The following HSPA12B variants were observed in gnomAD, a reference collection of about 807,000 sequenced individuals.
The protein encoded by HSPA12B is heat shock protein family A (Hsp70) member 12B.
In HSPA12B, 54 loss-of-function variants were observed where a neutral mutation model predicts 69.3. That is an observed-to-expected ratio of 0.78 (90% confidence interval 0.63 to 0.98). The LOEUF (loss-of-function observed/expected upper bound fraction) is 0.98. Ranked by LOEUF, HSPA12B falls within the 50% of genes least tolerant of loss-of-function variation. The probability of loss-of-function intolerance (pLI) is 0.00; values close to 1 mark genes in which losing one functional copy is unlikely to be tolerated. For synonymous variants in HSPA12B, 441 were observed against 436.5 expected, an observed-to-expected ratio of 1.01 and a Z score of -0.13; for missense variants, 929 against 999.8, an observed-to-expected ratio of 0.93 and a Z score of 0.96.
In HSPA12B at chr20:3,748,249, G is replaced by C. The variant is rs376594636; in HGVS notation, c.708G>C (p.Gln236His). ...TAGTGTCCCGAGAGAATGCAGAGCAGCTACTCATCGCCCTGGAGCCCGAGG... is the reference window on the plus strand; with the variant it reads ...TAGTGTCCCGAGAGAATGCAGAGCACCTACTCATCGCCCTGGAGCCCGAGG... ...AGLVSRENAE[Q>H]LLIALEPEAA... The change falls in exon 8 of 13, where the codon CAG becomes CAC. Residue 236 changes from glutamine to histidine, a missense_variant. By Grantham distance (24) the Gln-to-His change is conservative. Coordinates refer to ENST00000254963, the MANE Select transcript of HSPA12B (RefSeq NM_052970.5). 5.0e-6 allele frequency: 8 copies of C among 1,596,492 alleles called. No homozygotes were observed. Among genetic ancestry groups the C allele is most frequent in the Non-Finnish European group, 6.0e-6 (7 of 1,170,294 alleles).
Position 3,745,689 on chromosome 20 carries a change from G to C in HSPA12B, c.558+92G>C, listed in dbSNP as rs764076917. The C allele has an allele frequency of 1.1e-5, 13 of 1,194,356 alleles. No homozygotes were observed. The Admixed American group carries it at 1.4e-4, about 13-fold the overall frequency. 74.0% of individuals were successfully genotyped at this position (1,194,356 alleles called of 1,614,324 possible). A position where few individuals can be genotyped will look rare whatever the true frequency, so the allele number is the denominator to read the frequency against. On this transcript the variant is annotated intron_variant, in intron 6 of 12. Coordinates refer to ENST00000254963, the MANE Select transcript of HSPA12B (RefSeq NM_052970.5). The surrounding 1 kb of genome is among the most constrained non-coding windows in gnomAD (Gnocchi z 5.6). ...CTCCCCCATCCCGTCCCCGACATTGGATGGGTAGCCACCGCCGGAGCTCAG... is the reference window on the plus strand; with the variant it reads ...CTCCCCCATCCCGTCCCCGACATTGCATGGGTAGCCACCGCCGGAGCTCAG...
Position 3,752,346 on chromosome 20 carries a change from G to A in HSPA12B, c.*180G>A. ...TGGGTGGGGACACACCCAGAGACTG[G>A]CTTTGGGATTGGGCACTGGTCCGCT... On this transcript the variant is annotated 3_prime_UTR_variant, in exon 13 of 13. Coordinates refer to ENST00000254963, the MANE Select transcript of HSPA12B (RefSeq NM_052970.5). 1.7e-6 allele frequency: 1 copy of A among 578,382 alleles called. No homozygotes were observed. The highest frequency in any genetic ancestry group is 2.8e-6 in the Non-Finnish European group (1 of 363,120). 35.8% of individuals were successfully genotyped at this position (578,382 alleles called of 1,614,324 possible).
chr20:3,741,592 C>A (rs2146565615), intron 3 of HSPA12B, among the ~76,000 whole-genome samples: 1 of 152,272 alleles, frequency 6.6e-6, no homozygotes, highest in African/African-American at 2.4e-5. Flanking sequence ...AAGATCGCAC[C>A]ACTGCATTTC....
At chr20:3,733,769 C>T (rs2088066761) in intron 1 of HSPA12B, among the ~76,000 whole-genome samples, 1 of 152,190 alleles carries the variant, frequency 6.6e-6, no homozygotes, top group Non-Finnish European at 1.5e-5. Flanking sequence ...TCACTTAGCC[C>T]GCTGACGGAG....
chr20:3,736,228 C>T (rs1341856068), intron 1 of HSPA12B, among the ~76,000 whole-genome samples: 1 of 152,206 alleles, frequency 6.6e-6, no homozygotes, highest in Non-Finnish European at 1.5e-5. Flanking sequence ...TAAGAACCCT[C>T]CCCTCCCCCT....
rs377341898 is a variant in HSPA12B, at chr20:3,749,739, C to T, written c.938-11C>T. The T allele has an allele frequency of 5.1e-6, 8 of 1,567,276 alleles. No homozygotes were observed. In the Admixed American group the frequency reaches 5.5e-5, roughly 11 times the overall value. The stretch of plus-strand genomic sequence containing the variant: ...CCGCCCACGAGTGTGTGCCCGCGCT[C>T]GCCGCCGCAGGAGACCGCTACGTGG... On this transcript the variant is annotated splice_polypyrimidine_tract_variant and intron_variant, in intron 9 of 12. Coordinates refer to ENST00000254963, the MANE Select transcript of HSPA12B (RefSeq NM_052970.5). This position sits in a 1 kb window ranked among gnomAD's most constrained non-coding sequence, Gnocchi z 5.5.
Position 3,735,423 on chromosome 20 carries a change from T to C in HSPA12B, c.-18+2629T>C, listed in dbSNP as rs950976004. Reference sequence around the variant, plus strand: ...GATAGCTGGGAAGAGTATAGGCCCATGGTTTGGATGTGGAATCCAGTGTAG... The same window carrying C: ...GATAGCTGGGAAGAGTATAGGCCCACGGTTTGGATGTGGAATCCAGTGTAG... On this transcript the variant is annotated intron_variant, in intron 1 of 12. Coordinates refer to ENST00000254963, the MANE Select transcript of HSPA12B (RefSeq NM_052970.5). Among the ~76,000 whole-genome samples, 4 of 151,388 alleles carry C rather than the reference T, an allele frequency of 2.6e-5. 1 individual carries two copies. Among genetic ancestry groups the C allele is most frequent in the African/African-American group, 9.7e-5 (4 of 41,088 alleles).
intron 1 of HSPA12B, among the ~76,000 whole-genome samples, chr20:3,733,771 C>G (rs1018018461): frequency 2.6e-5 from 4 of 152,226 alleles, no homozygotes; most frequent in African/African-American, 9.6e-5. Context: ...ACTTAGCCCG[C>G]TGACGGAGTC....
intron 4 of HSPA12B, among the ~76,000 whole-genome samples, chr20:3,743,443 A>G (rs547934791): frequency 6.6e-6 from 1 of 151,870 alleles, no homozygotes; most frequent in South Asian, 2.1e-4. Context: ...TGATTATCCC[A>G]CTTTAGCATC....
rs1010396383 is a variant in HSPA12B at position 3,737,089 on chromosome 20, T to G, written c.-17-1569T>G. On this transcript the variant is annotated intron_variant, in intron 1 of 12. Coordinates refer to ENST00000254963, the MANE Select transcript of HSPA12B (RefSeq NM_052970.5). This position sits in a 1 kb window ranked among gnomAD's most constrained non-coding sequence, Gnocchi z 4.1. ...ATAAATAAATAAATAAATAAATAAATAAATAAATAAATAAATATGAAATAC... is the reference window on the plus strand; with the variant it reads ...ATAAATAAATAAATAAATAAATAAAGAAATAAATAAATAAATATGAAATAC... Among the ~76,000 whole-genome samples, 2 of 123,354 alleles carry G rather than the reference T, an allele frequency of 1.6e-5. No individual in the cohort carries two copies. Among genetic ancestry groups the G allele is most frequent in the African/African-American group, 5.9e-5 (2 of 33,700 alleles). The allele number at this position is 123,354 out of a possible 152,430, so 80.9% of individuals were successfully genotyped here.
At position 3,744,784 on chromosome 20, in the gene HSPA12B, A is replaced by G. The variant is rs144878057; in HGVS notation, c.267-118A>G. 3.3e-4 allele frequency: 291 copies of G among 890,392 alleles called. 1 individual carries two copies. In the African/African-American group the frequency reaches 4.4e-3, roughly 13 times the overall value. The allele number at this position is 890,392 out of a possible 1,614,324, so 55.2% of individuals were successfully genotyped here. On this transcript the variant is annotated intron_variant, in intron 4 of 12. Transcript: ENST00000254963. The surrounding 1 kb of genome is among the most constrained non-coding windows in gnomAD (Gnocchi z 4.9). Reference sequence around the variant, plus strand: ...TTTTCTCCTGCTGCCTATGGAGCCGACCCATAGCTAGTTCTCCCTGCTCTT... The same window carrying G: ...TTTTCTCCTGCTGCCTATGGAGCCGGCCCATAGCTAGTTCTCCCTGCTCTT...
rs374709978 is a variant in HSPA12B, at chr20:3,744,881, G to A, written c.267-21G>A. ...CCACCCAAGAAGGGAGGGTTGCACTGACTGCCCTGTGCCTCCGCAGGAAAT... is the reference window on the plus strand; with the variant it reads ...CCACCCAAGAAGGGAGGGTTGCACTAACTGCCCTGTGCCTCCGCAGGAAAT... On this transcript the variant is annotated intron_variant, in intron 4 of 12. Transcript: ENST00000254963. This position sits in a 1 kb window ranked among gnomAD's most constrained non-coding sequence, Gnocchi z 4.9. 1.9e-6 allele frequency: 3 copies of A among 1,608,752 alleles called. No homozygotes were observed. Among genetic ancestry groups the A allele is most frequent in the Non-Finnish European group, 2.5e-6 (3 of 1,179,014 alleles).
intron 3 of HSPA12B, among the ~76,000 whole-genome samples, chr20:3,742,077 T>A (rs112760340): frequency 1.7e-4 from 26 of 152,028 alleles, no homozygotes; most frequent in Middle Eastern, 3.4e-3. Context: ...TGGGGCTACC[T>A]GAGAGACACG....
At position 3,745,651 on chromosome 20, in the gene HSPA12B, T is replaced by C. The variant is rs2088287162; in HGVS notation, c.558+54T>C. 1 of 1,526,292 alleles carries C rather than the reference T, an allele frequency of 6.6e-7. No homozygotes were observed. The highest frequency in any genetic ancestry group is 1.1e-5 in the South Asian group (1 of 89,262). 94.5% of individuals were successfully genotyped at this position (1,526,292 alleles called of 1,614,324 possible). On this transcript the variant is annotated intron_variant, in intron 6 of 12. Transcript: ENST00000254963. This position sits in a 1 kb window ranked among gnomAD's most constrained non-coding sequence, Gnocchi z 5.6. Reference sequence around the variant, plus strand: ...GTGGCAGGGACCCCCTATTTTCCCCTCATCCGAAACCGCTCCCCCATCCCG... The same window carrying C: ...GTGGCAGGGACCCCCTATTTTCCCCCCATCCGAAACCGCTCCCCCATCCCG...
At chr20:3,733,068 G>T (rs1600302647) in intron 1 of HSPA12B, among the ~76,000 whole-genome samples, 1 of 152,224 alleles carries the variant, frequency 6.6e-6, no homozygotes, top group South Asian at 2.1e-4. Flanking sequence ...GTGTCTTAGG[G>T]GCTGGCAGGA....
At chr20:3,748,122 G>A in intron 7 of HSPA12B, 95 bp from the exon 8 acceptor site, 2 of 1,122,516 alleles carry the variant, frequency 1.8e-6, no homozygotes, top group South Asian at 2.0e-5. Flanking sequence ...AGGAGGAGGT[G>A]GGAGCCCCAC....
chr20:3,733,295 T>G (rs6037659), intron 1 of HSPA12B, among the ~76,000 whole-genome samples: 1,856 of 151,994 alleles, frequency 0.012, 37 homozygotes, highest in African/African-American at 0.041. Context: ...GAGGTCCAGG[T>G]GGGGTGGGGT....
chr20:3,746,196 T>C (rs2088299537), intron 7 of HSPA12B, among the ~76,000 whole-genome samples, 165 bp downstream of exon 7: 1 of 149,586 alleles, frequency 6.7e-6, no homozygotes, highest in Non-Finnish European at 1.5e-5. Context: ...GAAGAGGGAG[T>C]GGGCCTGCAG....
chr20:3,747,072 C>T (rs545668929), intron 7 of HSPA12B, among the ~76,000 whole-genome samples: 2 of 152,330 alleles, frequency 1.3e-5, no homozygotes, highest in South Asian at 4.1e-4. Context: ...CTAGCCAATG[C>T]ATACAGGTCT....
Sources: gnomAD v4.1 joint callset for allele counts (sites outside exome capture counted in the v4.1 genomes callset) on GRCh38, gnomAD v4.1.1 for gene constraint, Gnocchi (gnomAD v3.1) non-coding constraint, MANE v1.5 for transcripts, NCBI Gene and HGNC (gene_info 2026-07-23, HGNC 2026-07-21) for gene names.